Variants in IRS1 observed in about 807,000 individuals in gnomAD.
The protein encoded by IRS1 is insulin receptor substrate 1.
Under a neutral mutation model 65.6 loss-of-function variants are expected in IRS1, and 34 were observed. The ratio of observed to expected loss-of-function variants is 0.52; its 90% CI spans 0.39 to 0.69. IRS1 has a LOEUF of 0.69. Ranked by LOEUF, IRS1 falls within the 30% of genes least tolerant of loss-of-function variation. IRS1 has a pLI of 0.00. For synonymous variants in IRS1, 699 were observed against 683.5 expected, an observed-to-expected ratio of 1.02 and a Z score of -0.35; for missense variants, 1,641 against 1,720.2, an observed-to-expected ratio of 0.95 and a Z score of 0.81.
Position 226,795,169 on chromosome 2 carries a change from C to T in IRS1, c.3570G>A (p.Gln1190=). The T allele has an allele frequency of 6.2e-7, 1 of 1,613,878 alleles. No homozygotes were observed. Among genetic ancestry groups the T allele is most frequent in the Non-Finnish European group, 8.5e-7 (1 of 1,180,006 alleles). ...IDLDLVKDFK[Q]CPQECTPEPQ... is the part of the protein sequence containing the mutation. Reference sequence around the variant, plus strand: ...GTTCAGGGGTGCACTCCTGAGGGCACTGTTTGAAGTCCTTGACCAAATCCA... The same window carrying T: ...GTTCAGGGGTGCACTCCTGAGGGCATTGTTTGAAGTCCTTGACCAAATCCA... Residue 1190 remains glutamine (Q), a synonymous_variant, in exon 1 of 2, where the codon CAG becomes CAA. Coordinates refer to ENST00000305123, the MANE Select transcript of IRS1 (RefSeq NM_005544.3).
intron 1 of IRS1, among the ~76,000 whole-genome samples, chr2:226,739,935 A>C (rs1220748464): frequency 6.6e-6 from 1 of 152,274 alleles, no homozygotes; most frequent in African/African-American, 2.4e-5. Context: ...GCAGGGGAAA[A>C]GCCCGCATAG....
chr2:226,785,074 T>G (rs1351079990), intron 1 of IRS1, among the ~76,000 whole-genome samples: 1 of 152,216 alleles, frequency 6.6e-6, no homozygotes, highest in Admixed American at 6.5e-5. Context: ...TTTGAAATGT[T>G]GAAAGACTAT....
chr2:226,775,558 G>A (rs765807309), intron 1 of IRS1, among the ~76,000 whole-genome samples: 8 of 152,176 alleles, frequency 5.3e-5, no homozygotes, highest in Non-Finnish European at 8.8e-5. Context: ...ATGTGTATAC[G>A]TATGGGTTAG....
intron 1 of IRS1, among the ~76,000 whole-genome samples, chr2:226,761,218 C>A (rs1392463935): frequency 6.6e-6 from 1 of 152,186 alleles, no homozygotes; most frequent in Admixed American, 6.5e-5. Context: ...CAATTCTTAA[C>A]TATTGGTTTT....
intron 1 of IRS1, among the ~76,000 whole-genome samples, chr2:226,783,914 C>T (rs914643312): frequency 4.6e-5 from 7 of 152,008 alleles, no homozygotes; most frequent in Non-Finnish European, 7.4e-5. Context: ...TTCAATACCA[C>T]GTGAGGACTG....
At chr2:226,759,071 CT>C (rs1389293331) in intron 1 of IRS1, among the ~76,000 whole-genome samples, 13 of 152,290 alleles carry the variant, frequency 8.5e-5, no homozygotes, top group African/African-American at 3.1e-4. Context: ...AAAAAATCGG[CT>C]CTAATATCCA....
chr2:226,766,356 G>C (rs1336839192), intron 1 of IRS1, among the ~76,000 whole-genome samples: 1 of 149,870 alleles, frequency 6.7e-6, no homozygotes, highest in African/African-American at 2.5e-5. Flanking sequence ...TAGAGACGGG[G>C]TTTTGCCATG....
intron 1 of IRS1, among the ~76,000 whole-genome samples, chr2:226,792,800 A>C (rs1217479427): frequency 1.3e-5 from 2 of 152,188 alleles, no homozygotes; most frequent in African/African-American, 4.8e-5. Flanking sequence ...TTTGCCACTC[A>C]CAGGTCTGAC....
At chr2:226,791,093 CAGCTCTTACCT>C (rs1432537785) in intron 1 of IRS1, among the ~76,000 whole-genome samples, 1 of 152,180 alleles carries the variant, frequency 6.6e-6, no homozygotes, top group Admixed American at 6.5e-5. Context: ...TGCGTTTTCC[CAGCTCTTACCT>C]AGCTCTGGTG....
rs765137973 is a variant in IRS1 at position 226,796,967 on chromosome 2, G to T, written c.1772C>A (p.Pro591His). 22 of 1,576,864 alleles carry T rather than the reference G, an allele frequency of 1.4e-5. No homozygotes were observed. The highest frequency in any genetic ancestry group is 5.4e-5 in the African/African-American group (4 of 74,278). Reference protein sequence around the residue: ...SYPEEGLEMHPLERRGGHHRP... With the variant: ...SYPEEGLEMHHLERRGGHHRP... Reference sequence around the variant, plus strand: ...GTGGTGCCCCCCCCGACGCTCCAAGGGGTGCATTTCCAGACCCTCCTCTGG... The same window carrying T: ...GTGGTGCCCCCCCCGACGCTCCAAGTGGTGCATTTCCAGACCCTCCTCTGG... Residue 591 changes from proline (P) to histidine (H), a missense_variant, in exon 1 of 2, where the codon CCC (proline) becomes CAC (histidine). Around this residue, in one of 3 missense-constraint regions of IRS1, gnomAD observed 1,324 missense variants for 1,361.0 expected, o/e 0.97. Transcript: ENST00000305123.
chr2:226,747,793 A>G (rs985184488), intron 1 of IRS1, among the ~76,000 whole-genome samples: 6 of 152,058 alleles, frequency 3.9e-5, no homozygotes, highest in Non-Finnish European at 7.4e-5. Context: ...ATGGTTCTCA[A>G]TTTGTGTGGG....
chr2:226,751,986 G>T (rs1219121809), intron 1 of IRS1, among the ~76,000 whole-genome samples: 1 of 152,088 alleles, frequency 6.6e-6, no homozygotes, highest in Non-Finnish European at 1.5e-5. Context: ...CCAAATAAAT[G>T]AGTAGAACTG....
chr2:226,736,575 G>GT lies in IRS1; in HGVS notation c.*22-326dup, dbSNP rs1559145345. On this transcript the variant is annotated intron_variant, in intron 1 of 1. Coordinates refer to ENST00000305123, the MANE Select transcript of IRS1 (RefSeq NM_005544.3). ...ATTGAAGCAAAAACATACATCATTA[G>GT]TTGCTATGTAAAATGACCATCCGAC... Among the ~76,000 whole-genome samples, 166 of 152,330 alleles carry GT rather than the reference G, an allele frequency of 1.1e-3. 1 individual carries two copies. The highest frequency in any genetic ancestry group is 3.7e-3 in the African/African-American group (155 of 41,580).
chr2:226,797,591 G>C lies in IRS1; in HGVS notation c.1148C>G (p.Ser383Trp). Residue 383 changes from serine to tryptophan, a missense_variant, in exon 1 of 2, where the codon TCG (serine) becomes TGG (tryptophan). Coordinates refer to ENST00000305123, the MANE Select transcript of IRS1 (RefSeq NM_005544.3). The surrounding 1 kb of genome is among the most constrained non-coding windows in gnomAD (Gnocchi z 8.1). The part of the protein sequence containing the change: ...RSIPMPASRC[S>W]PSATSPVSLS... ...ACTGACCGGGCTGGTGGCCGAAGGC[G>C]AGCAGCGGGAAGCCGGCATGGGGAT... 1.3e-6 allele frequency: 2 copies of C among 1,590,316 alleles called. No homozygotes were observed. Among genetic ancestry groups the C allele is most frequent in the Non-Finnish European group, 1.7e-6 (2 of 1,171,026 alleles).
chr2:226,769,641 C>T (rs1269250300), intron 1 of IRS1, among the ~76,000 whole-genome samples: 4 of 152,180 alleles, frequency 2.6e-5, no homozygotes, highest in Admixed American at 1.3e-4. Flanking sequence ...ATCATTATAA[C>T]CTCAAAGTTG....
At chr2:226,739,844 A>G (rs1559146232) in intron 1 of IRS1, among the ~76,000 whole-genome samples, 2 of 152,268 alleles carry the variant, frequency 1.3e-5, no homozygotes, top group African/African-American at 2.4e-5. Context: ...TTAAAAAAGA[A>G]AAAAGCAATG....
At position 226,796,948 on chromosome 2, in the gene IRS1, C is replaced by T. The variant is rs746246665; in HGVS notation, c.1791G>A (p.Gly597=). 1.4e-5 allele frequency: 21 copies of T among 1,547,418 alleles called. No individual in the cohort carries two copies. The Admixed American group carries it at 3.1e-4, about 23-fold the overall frequency. The change falls in exon 1 of 2, where the codon GGG becomes GGA. Residue 597 remains glycine (G), a synonymous_variant. Transcript: ENST00000305123. The part of the protein sequence containing the change: ...LEMHPLERRG[G]HHRPDSSTLH... ...GGGTGGAGCTGTCTGGGCGGTGGTGCCCCCCCCGACGCTCCAAGGGGTGCA... is the reference window on the plus strand; with the variant it reads ...GGGTGGAGCTGTCTGGGCGGTGGTGTCCCCCCCGACGCTCCAAGGGGTGCA...
intron 1 of IRS1, among the ~76,000 whole-genome samples, chr2:226,755,383 G>A (rs866595223): frequency 2.0e-5 from 3 of 152,096 alleles, no homozygotes; most frequent in South Asian, 2.1e-4. Context: ...AAACAATGAC[G>A]TTAACGTTAA....
chr2:226,798,721 C>T lies in IRS1; in HGVS notation c.18G>A (p.Glu6=), dbSNP rs1939816912. The T allele has an allele frequency of 6.2e-7, 1 of 1,611,774 alleles. No individual in the cohort carries two copies. The highest frequency in any genetic ancestry group is 1.3e-5 in the African/African-American group (1 of 74,930). MASPP[E]SDGFSDVRKV... ...TGCGCACGTCCGAGAAGCCATCGCTCTCCGGAGGGCTCGCCATGCTGCCAC... is the reference window on the plus strand; with the variant it reads ...TGCGCACGTCCGAGAAGCCATCGCTTTCCGGAGGGCTCGCCATGCTGCCAC... The change falls in exon 1 of 2, where the codon GAG becomes GAA. Residue 6 remains glutamate, a synonymous_variant. Coordinates refer to ENST00000305123, the MANE Select transcript of IRS1 (RefSeq NM_005544.3). The surrounding 1 kb of genome is among the most constrained non-coding windows in gnomAD (Gnocchi z 9.4).
Sources: allele counts gnomAD v4.1 joint callset (sites outside exome capture counted in the v4.1 genomes callset), GRCh38; gene constraint gnomAD v4.1.1; regional missense constraint gnomAD v4.1.1; non-coding constraint Gnocchi (gnomAD v3.1); transcripts MANE v1.5; gene names NCBI Gene and HGNC (gene_info 2026-07-23, HGNC 2026-07-21).